DDAH1: variants seen among roughly 807,000 people sequenced by gnomAD.
DDAH1 encodes the protein N(G),N(G)-dimethylarginine dimethylaminohydrolase 1.
A neutral mutation model predicts 28.8 loss-of-function variants in DDAH1; 19 were observed. The observed-to-expected ratio is 0.66, with a 90% CI of 0.46 to 0.97. DDAH1 has a LOEUF of 0.97. Ranked by LOEUF, DDAH1 falls within the 50% of genes least tolerant of loss-of-function variation. DDAH1 has a pLI of 0.00. For synonymous variants in DDAH1, 153 were observed against 154.4 expected (o/e 0.99, Z 0.07); for missense variants, 326 against 375.9 (o/e 0.87, Z 1.10).
intron 1 of DDAH1, among the ~76,000 whole-genome samples, chr1:85,460,196 G>C (rs1281644718): frequency 6.6e-6 from 1 of 152,106 alleles, no homozygotes; most frequent in Non-Finnish European, 1.5e-5. Context: ...ATGTTCACTT[G>C]CCTCCAGGAT....
chr1:85,404,540 C>T, intron 1 of DDAH1: 1 of 1,349,180 alleles, frequency 7.4e-7, no homozygotes, highest in Non-Finnish European at 9.5e-7. Flanking sequence ...CTAACTGCAG[C>T]TCCAGACAGA....
At chr1:85,443,059 T>G (rs1489445528) in intron 1 of DDAH1, among the ~76,000 whole-genome samples, 1 of 152,236 alleles carries the variant, frequency 6.6e-6, no homozygotes, top group African/African-American at 2.4e-5. Flanking sequence ...TTTTGGCTTT[T>G]GTTGCCATTG....
At chr1:85,356,428 A>C (rs984966011) in intron 2 of DDAH1, among the ~76,000 whole-genome samples, 1 of 152,192 alleles carries the variant, frequency 6.6e-6, no homozygotes, top group African/African-American at 2.4e-5. Flanking sequence ...TACAGACCTT[A>C]TTTCTTATCT....
intron 1 of DDAH1, among the ~76,000 whole-genome samples, chr1:85,562,353 A>C (rs1464598514): frequency 3.3e-5 from 5 of 152,212 alleles, no homozygotes; most frequent in Non-Finnish European, 7.3e-5. Context: ...TACCACAAAG[A>C]CCAGTCATGT....
At chr1:85,331,353 T>G (rs1192689454) in intron 4 of DDAH1, among the ~76,000 whole-genome samples, 4 of 152,026 alleles carry the variant, frequency 2.6e-5, no homozygotes, top group Non-Finnish European at 5.9e-5. Context: ...TAAAAGGTAG[T>G]TAGAGATGTT....
At chr1:85,519,286 CG>C (rs1325587836) in intron 1 of DDAH1, among the ~76,000 whole-genome samples, 2 of 151,904 alleles carry the variant, frequency 1.3e-5, no homozygotes, top group Non-Finnish European at 2.9e-5. Flanking sequence ...TTAGTAGATA[CG>C]GGGTTTCACC....
chr1:85,506,560 C>G (rs571935000), intron 1 of DDAH1, among the ~76,000 whole-genome samples: 6 of 152,308 alleles, frequency 3.9e-5, no homozygotes, highest in South Asian at 2.1e-4. Context: ...CCCAGTCCAC[C>G]CTAGACCCAC....
chr1:85,511,838 G>A (rs962164560), intron 1 of DDAH1, among the ~76,000 whole-genome samples: 4 of 152,186 alleles, frequency 2.6e-5, no homozygotes, highest in African/African-American at 7.2e-5. Flanking sequence ...AACAGGTTCT[G>A]AAATTGAGGC....
At chr1:85,490,026 G>A (rs17099243) in intron 2 of DDAH1, among the ~76,000 whole-genome samples, 34,015 of 151,918 alleles carry the variant, frequency 0.22, 4,475 homozygotes, top group East Asian at 0.44. Flanking sequence ...TCAAGAGGTA[G>A]GCTTGTGGTG....
chr1:85,525,041 T>C (rs1260058778), intron 1 of DDAH1, among the ~76,000 whole-genome samples: 2 of 141,322 alleles, frequency 1.4e-5, no homozygotes, highest in East Asian at 4.1e-4. Context: ...ATGAATGCTA[T>C]AGAAAATATA....
At chr1:85,485,798 A>C (rs1026733581) in intron 2 of DDAH1, among the ~76,000 whole-genome samples, 1 of 152,184 alleles carries the variant, frequency 6.6e-6, no homozygotes, top group Non-Finnish European at 1.5e-5. Context: ...ATGTTTATGC[A>C]AGCATGTCTA....
Position 85,404,627 on chromosome 1 carries a change from A to T in DDAH1, c.304-45780T>A, listed in dbSNP as rs1456613833. 3.4e-6 allele frequency: 3 copies of T among 888,668 alleles called. No homozygotes were observed. The East Asian group carries it at 9.8e-5, about 29-fold the overall frequency. The allele number at this position is 888,668 out of a possible 1,614,324, so 55.0% of individuals were successfully genotyped here. Reference sequence around the variant, plus strand: ...CTGCTGAAACCGAATCCAAGAGTTCAATGATACTGTAGACTCAAGTATTTC... The same window carrying T: ...CTGCTGAAACCGAATCCAAGAGTTCTATGATACTGTAGACTCAAGTATTTC... On this transcript the variant is annotated intron_variant, in intron 1 of 5. Transcript: ENST00000284031.
chr1:85,335,373 TA>T (rs1328264892), intron 4 of DDAH1, among the ~76,000 whole-genome samples: 1 of 152,136 alleles, frequency 6.6e-6, no homozygotes, highest in African/African-American at 2.4e-5. Flanking sequence ...TGAAGGTTAT[TA>T]AAAAATATTT....
At chr1:85,565,455 G>C (rs1236562102) in intron 1 of DDAH1, among the ~76,000 whole-genome samples, 1 of 152,146 alleles carries the variant, frequency 6.6e-6, no homozygotes, top group Non-Finnish European at 1.5e-5. Context: ...TTCCTGGTTT[G>C]ATATTGTACT....
chr1:85,351,155 C>A (rs998456636), intron 3 of DDAH1, among the ~76,000 whole-genome samples: 3 of 151,804 alleles, frequency 2.0e-5, no homozygotes, highest in African/African-American at 7.3e-5. Flanking sequence ...CTTGGCCTCC[C>A]AAAGTGCTGG....
At chr1:85,509,750 T>G (rs1195588521) in intron 1 of DDAH1, among the ~76,000 whole-genome samples, 2 of 151,852 alleles carry the variant, frequency 1.3e-5, no homozygotes, top group Non-Finnish European at 2.9e-5. Context: ...TGGTTGCAAA[T>G]CAAATTAATG....
chr1:85,448,236 G>A, intron 1 of DDAH1: 1 of 160,562 alleles, frequency 6.2e-6, no homozygotes, highest in Non-Finnish European at 1.3e-5. Context: ...GAAGCCGAAA[G>A]ATCGGACACC....
chr1:85,552,871 C>T (rs1251735981), intron 1 of DDAH1, among the ~76,000 whole-genome samples: 1 of 152,026 alleles, frequency 6.6e-6, no homozygotes, highest in Non-Finnish European at 1.5e-5. Context: ...CTATAGGTAG[C>T]CTCGCATCAA....
intron 1 of DDAH1, among the ~76,000 whole-genome samples, chr1:85,557,982 T>C (rs1659029216): frequency 6.6e-6 from 1 of 152,132 alleles, no homozygotes; most frequent in Non-Finnish European, 1.5e-5. Context: ...GAGACTCTGT[T>C]ATGGCGGCCC....
Sources: allele counts gnomAD v4.1 joint callset (sites outside exome capture counted in the v4.1 genomes callset), GRCh38; gene constraint gnomAD v4.1.1; transcripts MANE v1.5; gene names NCBI Gene and HGNC (gene_info 2026-07-23, HGNC 2026-07-21).